CARD9: variants seen among roughly 807,000 people sequenced by gnomAD.
CARD9 encodes caspase recruitment domain-containing protein 9.
A neutral mutation model predicts 66.0 loss-of-function variants in CARD9; 53 were observed. The observed-to-expected ratio is 0.80, with a 90% CI of 0.64 to 1.01. The LOEUF (loss-of-function observed/expected upper bound fraction) is 1.01, where lower values mean the gene tolerates loss of function less well. CARD9 is among the 50% of genes least tolerant of loss of function. The pLI is 0.00. For missense variants in CARD9, 769 were observed against 743.2 expected (o/e 1.03, Z -0.40); for synonymous variants, 387 against 313.8 (o/e 1.23, Z -2.47).
chr9:136,369,926 G>T, intron 6 of CARD9, 51 bp from the exon 7 acceptor site: 9 of 1,605,072 alleles, frequency 5.6e-6, no homozygotes, highest in Non-Finnish European at 7.6e-6. Context: ...CCCCATTCTG[G>T]CCCTTGGGGT....
intron 7 of CARD9, among the ~76,000 whole-genome samples, chr9:136,368,955 G>T (rs1833191489): frequency 6.6e-6 from 1 of 152,192 alleles, no homozygotes; most frequent in African/African-American, 2.4e-5. Flanking sequence ...GAGTAGCTGG[G>T]ATTACAGGCG....
At chr9:136,373,347 C>T (rs989541933) in intron 1 of CARD9, among the ~76,000 whole-genome samples, 185 bp downstream of exon 1, 4 of 152,220 alleles carry the variant, frequency 2.6e-5, no homozygotes, top group Admixed American at 6.5e-5. Context: ...CATCTGCCAC[C>T]GTAATTCCAC....
intron 1 of CARD9, 146 bp from the exon 2 acceptor site, chr9:136,372,240 G>T: frequency 2.6e-6 from 3 of 1,140,802 alleles, no homozygotes; most frequent in Non-Finnish European, 3.8e-6. Flanking sequence ...GAGGTGCCCA[G>T]CTCCATGTCC....
chr9:136,373,429 T>C (rs1288592898), intron 1 of CARD9, 103 bp downstream of exon 1: 4 of 919,790 alleles, frequency 4.3e-6, no homozygotes, highest in Non-Finnish European at 5.2e-6. Flanking sequence ...CCTGGCTGCC[T>C]GTGGGAAGCC....
At chr9:136,372,956 T>TAACATGGTAGTTGG (rs1833310604) in intron 1 of CARD9, among the ~76,000 whole-genome samples, 2 of 152,218 alleles carry the variant, frequency 1.3e-5, no homozygotes, top group Non-Finnish European at 2.9e-5. Flanking sequence ...TCCCAGTGGC[T>TAACATGGTAGTTGG]GCAACAGAAC....
chr9:136,373,661 G>T lies in CARD9; in HGVS notation c.-146C>A. 1.3e-6 allele frequency: 1 copy of T among 796,068 alleles called. No homozygotes were observed. Among genetic ancestry groups the T allele is most frequent in the Non-Finnish European group, 1.5e-6 (1 of 656,868 alleles). The allele number at this position is 796,068 out of a possible 1,614,324, so 49.3% of individuals were successfully genotyped here. On this transcript the variant is annotated 5_prime_UTR_variant, in exon 1 of 13. Transcript: ENST00000371732. ...CGGACGCCTGTGCACTTCCTGATGG[G>T]TTCTGCTTAACTCCACAGTCCCGCC...
rs769183409 is a variant in CARD9 at position 136,371,137 on chromosome 9, C to T, written c.331G>A (p.Gly111Arg). ...AGCAGCTGAGTCAGGCCTGACTCCCCGGACGCGTCTGTGGGCCAGGCCAGT... is the reference window on the plus strand; with the variant it reads ...AGCAGCTGAGTCAGGCCTGACTCCCTGGACGCGTCTGTGGGCCAGGCCAGT... ...RVFSMIIDAS[G>R]ESGLTQLLMT... Residue 111 changes from glycine (G) to arginine (R), a missense_variant, in exon 4 of 13, where the codon GGG (glycine) becomes AGG (arginine). Gly to Arg is a moderately radical substitution (Grantham distance 125). Coordinates refer to ENST00000371732, the MANE Select transcript of CARD9 (RefSeq NM_052813.5). 5.6e-6 allele frequency: 9 copies of T among 1,612,166 alleles called. No homozygotes were observed. The highest frequency in any genetic ancestry group is 4.5e-5 in the East Asian group (2 of 44,856).
rs1234379041 is a variant in CARD9, at chr9:136,370,295, C to T, written c.950G>A (p.Arg317Gln). The T allele has an allele frequency of 1.2e-6, 2 of 1,601,856 alleles. No homozygotes were observed. Among genetic ancestry groups the T allele is most frequent in the Non-Finnish European group, 1.7e-6 (2 of 1,178,594 alleles). ...DLRQGEARRL[R>Q]CMEEKEMFEL... The stretch of plus-strand genomic sequence containing the variant: ...ATGTCTCCCCGCCTGCCCTCCTACC[C>T]GGAGGCGTCGGGCCTCGCCCTGGCG... Residue 317 changes from arginine to glutamine, a missense_variant and splice_region_variant, in exon 6 of 13, where the codon CGG becomes CAG. Arg to Gln is a conservative substitution (Grantham distance 43). Transcript: ENST00000371732.
At chr9:136,373,474 G>C in intron 1 of CARD9, 58 bp downstream of exon 1, 1 of 984,782 alleles carries the variant, frequency 1.0e-6, no homozygotes. Flanking sequence ...CCAGGATCCT[G>C]AACTAGGCCA....
At chr9:136,373,310 G>A (rs1208773536) in intron 1 of CARD9, among the ~76,000 whole-genome samples, 1 of 152,220 alleles carries the variant, frequency 6.6e-6, no homozygotes, top group East Asian at 1.9e-4. Context: ...CCCCTTTCCT[G>A]CTTCCCCAGC....
At chr9:136,370,756 G>C (rs775704708) in intron 4 of CARD9, 55 bp from the exon 5 acceptor site, 1 of 1,610,568 alleles carries the variant, frequency 6.2e-7, no homozygotes, top group East Asian at 2.2e-5. Context: ...CCGCAGACCC[G>C]TGGGGCCACC....
chr9:136,364,009 A>G lies in CARD9; in HGVS notation c.*293T>C. ...CAGCTGTGTTTTCTAACACTAATACAATGCATGCATGTATTGTGTGTTACA... is the reference window on the plus strand; with the variant it reads ...CAGCTGTGTTTTCTAACACTAATACGATGCATGCATGTATTGTGTGTTACA... On this transcript the variant is annotated 3_prime_UTR_variant, in exon 13 of 13. Transcript: ENST00000371732. 1 of 1,282,030 alleles carries G rather than the reference A, an allele frequency of 7.8e-7. No individual in the cohort carries two copies. The highest frequency in any genetic ancestry group is 1.1e-6 in the Non-Finnish European group (1 of 902,002). The allele number at this position is 1,282,030 out of a possible 1,614,324, so 79.4% of individuals were successfully genotyped here.
At chr9:136,370,193 G>A in intron 6 of CARD9, 101 bp downstream of exon 6, 2 of 1,522,998 alleles carry the variant, frequency 1.3e-6, no homozygotes, top group Non-Finnish European at 8.8e-7. Flanking sequence ...CGCTGCACTG[G>A]GGTCTCCACA....
At position 136,370,428 on chromosome 9, in the gene CARD9, G is replaced by A. The variant is rs762274037; in HGVS notation, c.817C>T (p.Leu273=). The part of the protein sequence containing the change: ...ELEASVQEGK[L]DRSSPYIQVL... The stretch of plus-strand genomic sequence containing the variant: ...TGGATGTAGGGGCTGCTCCTGTCCA[G>A]CTTCCCCTCCTGAAGGGGGCAAAAG... The change falls in exon 6 of 13, where the codon CTG becomes TTG. Residue 273 remains leucine (L), a synonymous_variant. Coordinates refer to ENST00000371732, the MANE Select transcript of CARD9 (RefSeq NM_052813.5). 1.9e-6 allele frequency: 3 copies of A among 1,610,858 alleles called. No individual in the cohort carries two copies. In the Admixed American group the frequency reaches 5.0e-5, roughly 27 times the overall value.
chr9:136,371,595 G>A (rs1258723105), intron 2 of CARD9, 134 bp from the exon 3 acceptor site: 1 of 1,381,630 alleles, frequency 7.2e-7, no homozygotes, highest in African/African-American at 1.4e-5. Flanking sequence ...CTTGGATGAG[G>A]TACCCTGCGG....
intron 11 of CARD9, 72 bp from the exon 12 acceptor site, chr9:136,364,631 C>T (rs1020996941): frequency 2.1e-6 from 3 of 1,438,612 alleles, no homozygotes; most frequent in Non-Finnish European, 2.8e-6. Flanking sequence ...CCGCCCCCCA[C>T]TGGCCCCTGT....
chr9:136,364,590 C>T lies in CARD9; in HGVS notation c.1435-31G>A, dbSNP rs756083434. On this transcript the variant is annotated intron_variant, in intron 11 of 12. Coordinates refer to ENST00000371732, the MANE Select transcript of CARD9 (RefSeq NM_052813.5). ...GAAGGGGGAAGGCTCGGGCTCCGGC[C>T]GGCTCCCCTGAGGGAACCCGTCCTT... 9 of 1,531,730 alleles carry T rather than the reference C, an allele frequency of 5.9e-6. No individual in the cohort carries two copies. The South Asian group carries it at 7.2e-5, about 12-fold the overall frequency. The allele number at this position is 1,531,730 out of a possible 1,614,324, so 94.9% of individuals were successfully genotyped here.
chr9:136,368,354 G>C (rs1833177133), intron 7 of CARD9, among the ~76,000 whole-genome samples: 1 of 152,250 alleles, frequency 6.6e-6, no homozygotes, highest in South Asian at 2.1e-4. Flanking sequence ...CTCCCGGGAA[G>C]TCCCGTGGGA....
Position 136,364,315 on chromosome 9 carries a change from G to T in CARD9, c.1598C>A (p.Thr533Asn), listed in dbSNP as rs577731110. The change falls in exon 13 of 13, where the codon ACT becomes AAT. Residue 533 changes from threonine to asparagine, a missense_variant. Physicochemically the swap from Thr to Asn is moderately conservative, Grantham distance 65. Transcript: ENST00000371732. ...GCGCTGCTGCGGCTAGGAGCCCTCA[G>T]TGTCGGTGTTGTCGCTGCCCGTGGT... is the stretch of plus-strand genomic sequence containing the variant. ...ENTTGSDNTD[T>N]EGS 1 of 1,559,894 alleles carries T rather than the reference G, an allele frequency of 6.4e-7. No individual in the cohort carries two copies. Among genetic ancestry groups the T allele is most frequent in the Non-Finnish European group, 8.7e-7 (1 of 1,152,530 alleles).
Sources: gnomAD v4.1 joint callset for allele counts (sites outside exome capture counted in the v4.1 genomes callset) on GRCh38, gnomAD v4.1.1 for gene constraint, MANE v1.5 for transcripts, NCBI Gene and HGNC (gene_info 2026-07-23, HGNC 2026-07-21) for gene names.